The following CIMIP4 variants were observed in gnomAD, a reference collection of about 807,000 sequenced individuals.
CIMIP4 encodes ciliary microtubule inner protein 4.
chr22:36,993,102 C>G, the CIMIP4 span, among the ~76,000 whole-genome samples: 1 of 151,148 alleles, frequency 6.6e-6, no homozygotes, highest in African/African-American at 2.4e-5. Flanking sequence ...ACCTCCATCT[C>G]CCAGGTTCAA....
At chr22:36,992,492 C>T in the CIMIP4 span, among the ~76,000 whole-genome samples, 1 of 151,794 alleles carries the variant, frequency 6.6e-6, no homozygotes, top group Non-Finnish European at 1.5e-5. Flanking sequence ...AAATGAAACA[C>T]ATAATAATTG....
At chr22:36,993,823 C>A in the CIMIP4 span, among the ~76,000 whole-genome samples, 1 of 152,026 alleles carries the variant, frequency 6.6e-6, no homozygotes. Flanking sequence ...ATATCAGTAA[C>A]GAGAATCAAT....
the CIMIP4 span, among the ~76,000 whole-genome samples, chr22:37,006,009 C>T: frequency 3.0e-4 from 45 of 152,240 alleles, no homozygotes; most frequent in African/African-American, 9.1e-4. Context: ...CTCTGTCAAA[C>T]AAAGGGTGCT....
the CIMIP4 span, chr22:37,007,749 C>T: frequency 1.3e-5 from 2 of 152,272 alleles, no homozygotes; most frequent in African/African-American, 4.8e-5. Flanking sequence ...TCTTTCATAA[C>T]AGCAGGAAAC....
the CIMIP4 span, among the ~76,000 whole-genome samples, chr22:37,001,655 G>C: frequency 6.6e-6 from 1 of 152,150 alleles, no homozygotes; most frequent in South Asian, 2.1e-4. Context: ...GGGTTGCTGG[G>C]AAGATGTAAC....
chr22:36,996,328 GC>G, the CIMIP4 span, among the ~76,000 whole-genome samples: 1 of 151,848 alleles, frequency 6.6e-6, no homozygotes, highest in South Asian at 2.1e-4. Context: ...GCTGCATAAA[GC>G]TTCTGGATAC....
At chr22:37,001,390 G>A in the CIMIP4 span, among the ~76,000 whole-genome samples, 36 of 152,104 alleles carry the variant, frequency 2.4e-4, no homozygotes, top group Non-Finnish European at 4.0e-4. Context: ...TCAAACGCAC[G>A]TCTTCTGATT....
the CIMIP4 span, chr22:37,001,901 A>G: frequency 5.6e-6 from 9 of 1,612,774 alleles, no homozygotes; most frequent in African/African-American, 1.1e-4. Context: ...GTTGTTAGGA[A>G]TGATGCTGCC....
chr22:37,003,490 G>A, the CIMIP4 span, among the ~76,000 whole-genome samples: 1 of 152,058 alleles, frequency 6.6e-6, no homozygotes, highest in Admixed American at 6.5e-5. Flanking sequence ...CCTGCTCTCG[G>A]GACTCCACAA....
the CIMIP4 span, chr22:37,000,004 T>G: frequency 4.4e-6 from 7 of 1,602,320 alleles, no homozygotes; most frequent in Admixed American, 8.6e-5. Context: ...GAGGCAGGGA[T>G]GACAGACAGG....
the CIMIP4 span, among the ~76,000 whole-genome samples, chr22:36,992,236 A>G: frequency 6.6e-6 from 1 of 152,180 alleles, no homozygotes; most frequent in Non-Finnish European, 1.5e-5. Flanking sequence ...AATCCCAGCT[A>G]CTCAGGAGGC....
chr22:37,006,035 A>G, the CIMIP4 span, among the ~76,000 whole-genome samples: 1 of 152,212 alleles, frequency 6.6e-6, no homozygotes, highest in African/African-American at 2.4e-5. Flanking sequence ...GAGATTAAAG[A>G]GATGCCTGAT....
the CIMIP4 span, among the ~76,000 whole-genome samples, chr22:37,000,205 G>T: frequency 0.017 from 2,622 of 152,202 alleles, 29 homozygotes; most frequent in Non-Finnish European, 0.025. Context: ...GGGGCATCAA[G>T]TTAATGATCA....
the CIMIP4 span, among the ~76,000 whole-genome samples, chr22:36,997,054 A>G: frequency 6.6e-6 from 1 of 152,242 alleles, no homozygotes; most frequent in African/African-American, 2.4e-5. Flanking sequence ...CAGATGCCCA[A>G]GGAATGCCTG....
At chr22:36,999,013 C>CAT in the CIMIP4 span, among the ~76,000 whole-genome samples, 1 of 152,042 alleles carries the variant, frequency 6.6e-6, no homozygotes, top group South Asian at 2.1e-4. Flanking sequence ...CACCTAAGGT[C>CAT]ATACCCAGCT....
chr22:36,999,894 CGGA>C, the CIMIP4 span: 65 of 1,613,980 alleles, frequency 4.0e-5, 1 homozygote, highest in African/African-American at 5.7e-4. Flanking sequence ...TCTGAGAAGA[CGGA>C]GGAGATTTCC....
the CIMIP4 span, among the ~76,000 whole-genome samples, chr22:36,996,695 A>G: frequency 5.0e-4 from 76 of 152,328 alleles, no homozygotes; most frequent in Non-Finnish European, 8.4e-4. Context: ...TAACATTTGT[A>G]TGGGAGAGTA....
At chr22:37,007,142 G>T in the CIMIP4 span, among the ~76,000 whole-genome samples, 63 of 152,212 alleles carry the variant, frequency 4.1e-4, 1 homozygote, top group Middle Eastern at 0.01. Flanking sequence ...ACACTCCACC[G>T]GTATTCCCAA....
the CIMIP4 span, among the ~76,000 whole-genome samples, chr22:36,996,046 G>T: frequency 1.4e-4 from 22 of 152,092 alleles, no homozygotes; most frequent in Admixed American, 1.4e-3. Context: ...CCTCTGACTG[G>T]CAGGGTTTAA....
Sources: gnomAD v4.1 joint callset for allele counts (sites outside exome capture counted in the v4.1 genomes callset) on GRCh38, gnomAD v4.1.1 for gene constraint, MANE v1.5 for transcripts, NCBI Gene and HGNC (gene_info 2026-07-23, HGNC 2026-07-21) for gene names.